SNX30: variants seen among roughly 807,000 people sequenced by gnomAD.
The protein encoded by SNX30 is sorting nexin family member 30.
In SNX30, 24 loss-of-function variants were observed where a neutral mutation model predicts 46.4. The ratio of observed to expected loss-of-function variants is 0.52; its 90% CI spans 0.37 to 0.73. The LOEUF (loss-of-function observed/expected upper bound fraction) is 0.73, where lower values mean the gene tolerates loss of function less well. Ranked by LOEUF, SNX30 falls within the 30% of genes least tolerant of loss-of-function variation. The probability of loss-of-function intolerance (pLI) is 0.00; values close to 1 mark genes in which losing one functional copy is unlikely to be tolerated. For synonymous variants in SNX30, 189 were observed against 211.5 expected (o/e 0.89, Z 0.92); for missense variants, 533 against 555.7 (o/e 0.96, Z 0.41).
At chr9:112,837,467 C>T (rs61626147) in intron 5 of SNX30, among the ~76,000 whole-genome samples, 26,383 of 151,444 alleles carry the variant, frequency 0.17, 3,079 homozygotes, top group African/African-American at 0.33. Context: ...TTTTGTTTTT[C>T]GTTTTTTGGT....
At chr9:112,835,221 A>AT (rs1203068122) in intron 4 of SNX30, among the ~76,000 whole-genome samples, 5 of 152,146 alleles carry the variant, frequency 3.3e-5, no homozygotes, top group Admixed American at 1.3e-4. Flanking sequence ...CTGTAAAACC[A>AT]TTTTGTAAGC....
chr9:112,823,706 A>AT (rs1840539871), intron 3 of SNX30, among the ~76,000 whole-genome samples: 1 of 152,214 alleles, frequency 6.6e-6, no homozygotes, highest in Admixed American at 6.5e-5. Context: ...ATGAGAATAA[A>AT]TTTGTAATGC....
chr9:112,812,064 T>G (rs1272396867), intron 2 of SNX30, among the ~76,000 whole-genome samples: 1 of 152,160 alleles, frequency 6.6e-6, no homozygotes, highest in Non-Finnish European at 1.5e-5. Flanking sequence ...TGTTTCATTG[T>G]GAGTGTGTTT....
At chr9:112,829,029 T>C (rs1372851878) in intron 3 of SNX30, among the ~76,000 whole-genome samples, 1 of 152,226 alleles carries the variant, frequency 6.6e-6, no homozygotes, top group Non-Finnish European at 1.5e-5. Flanking sequence ...TGTATCTGGC[T>C]GTTTTCATTT....
intron 1 of SNX30, among the ~76,000 whole-genome samples, chr9:112,780,582 T>C (rs953221023): frequency 6.6e-6 from 1 of 152,150 alleles, no homozygotes; most frequent in Non-Finnish European, 1.5e-5. Flanking sequence ...GAATGGGTTT[T>C]TTGCTTTCTC....
Position 112,836,196 on chromosome 9 carries a change from T to C in SNX30, c.619-18T>C. 6.3e-7 allele frequency: 1 copy of C among 1,579,308 alleles called. No homozygotes were observed. Among genetic ancestry groups the C allele is most frequent in the Non-Finnish European group, 8.7e-7 (1 of 1,152,664 alleles). ...TGAGTGAGTGAGTGCTTTGAGCTTA[T>C]TCACATATCATCCTCAGGACCTGAA... On this transcript the variant is annotated intron_variant, in intron 4 of 8. Coordinates refer to ENST00000374232, the MANE Select transcript of SNX30 (RefSeq NM_001012994.2).
At chr9:112,751,416 G>C (rs1362806976) in intron 1 of SNX30, among the ~76,000 whole-genome samples, 1 of 152,218 alleles carries the variant, frequency 6.6e-6, no homozygotes, top group Non-Finnish European at 1.5e-5. Context: ...GGTCCAGCCT[G>C]CGTGTTGGAG....
chr9:112,879,554 T>C (rs569544923), downstream of SNX30: 16 of 538,084 alleles, frequency 3.0e-5, no homozygotes, highest in South Asian at 3.4e-4. Flanking sequence ...GTCTTAAAGC[T>C]GAGAACGTTT....
At chr9:112,854,512 G>A (rs563589835) in intron 7 of SNX30, among the ~76,000 whole-genome samples, 3 of 152,340 alleles carry the variant, frequency 2.0e-5, no homozygotes, top group African/African-American at 7.2e-5. Flanking sequence ...AGCACACTGT[G>A]GCTGGGCCAT....
chr9:112,774,578 A>G (rs957618680), intron 1 of SNX30, among the ~76,000 whole-genome samples: 1 of 152,150 alleles, frequency 6.6e-6, no homozygotes, highest in Non-Finnish European at 1.5e-5. Flanking sequence ...TTACAATGTA[A>G]TGTGTGAGAG....
chr9:112,834,473 A>G (rs115485633), intron 4 of SNX30, among the ~76,000 whole-genome samples: 240 of 152,286 alleles, frequency 1.6e-3, no homozygotes, highest in African/African-American at 5.4e-3. Context: ...AAGGATACAG[A>G]TGAAGAGTTG....
downstream of SNX30, among the ~76,000 whole-genome samples, chr9:112,884,686 G>C (rs577437183): frequency 1.1e-3 from 163 of 152,342 alleles, no homozygotes; most frequent in Non-Finnish European, 2.1e-3. Flanking sequence ...ACAACAGAGG[G>C]AAACAGTGTG....
At chr9:112,830,225 T>A (rs1840640399) in intron 3 of SNX30, among the ~76,000 whole-genome samples, 1 of 152,194 alleles carries the variant, frequency 6.6e-6, no homozygotes, top group Non-Finnish European at 1.5e-5. Context: ...AAAATTGGCC[T>A]ATAAAAGGTA....
At chr9:112,825,992 A>G (rs902563202) in intron 3 of SNX30, among the ~76,000 whole-genome samples, 1 of 152,190 alleles carries the variant, frequency 6.6e-6, no homozygotes, top group African/African-American at 2.4e-5. Context: ...GTTCCTTTAA[A>G]TATCAAGTTT....
At chr9:112,826,241 G>A (rs1840577426) in intron 3 of SNX30, among the ~76,000 whole-genome samples, 1 of 152,146 alleles carries the variant, frequency 6.6e-6, no homozygotes, top group African/African-American at 2.4e-5. Context: ...AATTTTAAAA[G>A]GGCCGTTTCT....
downstream of SNX30, chr9:112,879,633 G>A (rs1841553265): frequency 2.5e-6 from 2 of 793,940 alleles, no homozygotes; most frequent in Middle Eastern, 4.9e-4. Flanking sequence ...TCATTCTGAG[G>A]CCAACTCTGG....
chr9:112,804,003 G>T (rs10817386), intron 1 of SNX30, among the ~76,000 whole-genome samples: 1 of 136,184 alleles, frequency 7.3e-6, no homozygotes, highest in Non-Finnish European at 1.6e-5. Flanking sequence ...GCTCGCGCAC[G>T]GTGCGCACAC....
intron 6 of SNX30, among the ~76,000 whole-genome samples, chr9:112,841,564 T>C (rs1840859913): frequency 6.6e-6 from 1 of 152,192 alleles, no homozygotes; most frequent in South Asian, 2.1e-4. Context: ...CTATCCCCGA[T>C]AGTAGCTGAG....
At chr9:112,804,710 G>C in intron 1 of SNX30, 66 bp from the exon 2 acceptor site, 1 of 1,412,444 alleles carries the variant, frequency 7.1e-7, no homozygotes, top group African/African-American at 1.6e-5. Flanking sequence ...GGCTAAACCA[G>C]CTGCTTTTGC....
Sources: gnomAD v4.1 joint callset for allele counts (sites outside exome capture counted in the v4.1 genomes callset) on GRCh38, gnomAD v4.1.1 for gene constraint, MANE v1.5 for transcripts, NCBI Gene and HGNC (gene_info 2026-07-23, HGNC 2026-07-21) for gene names.